Variants in LRIT3 observed in about 807,000 individuals in gnomAD.
LRIT3 encodes leucine rich repeat, Ig-like and transmembrane domains 3.
Under a neutral mutation model 22.6 loss-of-function variants are expected in LRIT3, and 14 were observed. The ratio of observed to expected loss-of-function variants is 0.62; its 90% CI spans 0.41 to 0.97. LRIT3 has a LOEUF of 0.97. LRIT3 is among the 50% of genes least tolerant of loss of function. The pLI is 0.00. For missense variants in LRIT3, 783 were observed against 803.0 expected (o/e 0.98, Z 0.30); for synonymous variants, 306 against 304.5 (o/e 1.01, Z -0.05).
intron 1 of LRIT3, 63 bp from the exon 2 acceptor site, chr4:109,851,441 G>A: frequency 6.8e-7 from 1 of 1,462,110 alleles, no homozygotes; most frequent in Non-Finnish European, 9.0e-7. Context: ...CAAATGAGAA[G>A]TATTTTTTTC....
At chr4:109,858,748 C>T (rs985899405) in intron 2 of LRIT3, among the ~76,000 whole-genome samples, 1 of 152,082 alleles carries the variant, frequency 6.6e-6, no homozygotes, top group Non-Finnish European at 1.5e-5. Context: ...TCCTTATCCC[C>T]CTCTTTTTGT....
rs368638041 is a variant in LRIT3 at position 109,869,904 on chromosome 4, T to C, written c.1155T>C (p.Tyr385=). The C allele has an allele frequency of 6.8e-6, 11 of 1,614,120 alleles. No homozygotes were observed. The African/African-American group carries it at 9.3e-5, about 14-fold the overall frequency. ...RSTSVSSASS[Y]LWSSSFSPTS... ...CATCTGTATCTAGCGCATCATCATA[T>C]CTTTGGTCCTCTTCCTTCTCCCCCA... Residue 385 remains tyrosine (Y), a synonymous_variant, in exon 4 of 4, where the codon TAT becomes TAC. Coordinates refer to ENST00000594814, the MANE Select transcript of LRIT3 (RefSeq NM_198506.5).
At chr4:109,859,808 A>G (rs4698752) in intron 2 of LRIT3, among the ~76,000 whole-genome samples, 126,382 of 152,208 alleles carry the variant, frequency 0.83, 52,715 homozygotes, top group African/African-American at 0.92. Context: ...CACATCACGC[A>G]TGTTGGCTCA....
Position 109,872,181 on chromosome 4 carries a change from T to C in LRIT3, c.*1392T>C, listed in dbSNP as rs1283544283. On this transcript the variant is annotated 3_prime_UTR_variant, in exon 4 of 4. Transcript: ENST00000594814. ...GAAATGGGAAAGATCTCCCAAACTC[T>C]GAGAACGGTCCTCAAATAGAAGCTC... 1 of 149,972 alleles carries C rather than the reference T, an allele frequency of 6.7e-6. No homozygotes were observed. Among genetic ancestry groups the C allele is most frequent in the Non-Finnish European group, 1.5e-5 (1 of 68,012 alleles). 9.3% of individuals were successfully genotyped at this position (149,972 alleles called of 1,614,324 possible).
At chr4:109,851,015 G>A (rs370224985) in intron 1 of LRIT3, among the ~76,000 whole-genome samples, 2 of 152,018 alleles carry the variant, frequency 1.3e-5, no homozygotes, top group South Asian at 2.1e-4. Context: ...TTAACAGGGG[G>A]TTCTTTTAAA....
In LRIT3 at chr4:109,869,746, C is replaced by A. The variant is rs1734775957; in HGVS notation, c.997C>A (p.Leu333Met). ...GGATTACAAATGTAAGGCCAAAAATCTGGCTGGGATGTCAGAAGCTGTGGT... is the reference window on the plus strand; with the variant it reads ...GGATTACAAATGTAAGGCCAAAAATATGGCTGGGATGTCAGAAGCTGTGGT... ...AGDYKCKAKN[L>M]AGMSEAVVTV... Residue 333 changes from leucine (L) to methionine (M), a missense_variant, in exon 4 of 4, where the codon CTG (leucine) becomes ATG (methionine). This residue lies in a region of LRIT3 where 756 missense variants were observed against 753.8 expected (regional missense o/e 1.00). Coordinates refer to ENST00000594814, the MANE Select transcript of LRIT3 (RefSeq NM_198506.5). 1 of 1,613,384 alleles carries A rather than the reference C, an allele frequency of 6.2e-7. No homozygotes were observed. Among genetic ancestry groups the A allele is most frequent in the African/African-American group, 1.3e-5 (1 of 74,914 alleles).
At chr4:109,856,728 C>T (rs1734410611) in intron 2 of LRIT3, among the ~76,000 whole-genome samples, 1 of 152,114 alleles carries the variant, frequency 6.6e-6, no homozygotes, top group South Asian at 2.1e-4. Context: ...TTCTATCTCC[C>T]ATCCATATAA....
At chr4:109,857,164 A>G (rs1429410995) in intron 2 of LRIT3, among the ~76,000 whole-genome samples, 1 of 152,126 alleles carries the variant, frequency 6.6e-6, no homozygotes, top group Non-Finnish European at 1.5e-5. Flanking sequence ...CATCTTTCCT[A>G]CTAATAACAT....
intron 1 of LRIT3, among the ~76,000 whole-genome samples, chr4:109,850,418 C>CTTTCT (rs1491056843): frequency 3.5e-4 from 10 of 28,226 alleles, no homozygotes; most frequent in South Asian, 1.5e-3. Flanking sequence ...TTCCTTCCTT[C>CTTTCT]CTTCCTTTCT....
rs1734718644 is a variant in LRIT3 at position 109,867,748 on chromosome 4, A to C, written c.697A>C (p.Ser233Arg). The change falls in exon 3 of 4, where the codon AGT becomes CGT. Residue 233 changes from serine to arginine, a missense_variant. Ser to Arg is a moderately radical substitution (Grantham distance 110). Transcript: ENST00000594814. Reference protein sequence around the residue: ...IVLLDPLMTCSEPERLTGILF... With the variant: ...IVLLDPLMTCREPERLTGILF... ...GCTTCTGGATCCACTGATGACTTGCAGTGAACCTGAGCGCCTCACAGGAAT... is the reference window on the plus strand; with the variant it reads ...GCTTCTGGATCCACTGATGACTTGCCGTGAACCTGAGCGCCTCACAGGAAT... The C allele has an allele frequency of 6.2e-7, 1 of 1,614,192 alleles. No homozygotes were observed. The highest frequency in any genetic ancestry group is 8.5e-7 in the Non-Finnish European group (1 of 1,180,014).
intron 1 of LRIT3, 126 bp from the exon 2 acceptor site, chr4:109,851,378 G>A (rs1734250964): frequency 1.5e-6 from 2 of 1,322,000 alleles, no homozygotes; most frequent in Non-Finnish European, 2.0e-6. Flanking sequence ...GCCTCCCAAA[G>A]TGCTGGGATT....
At chr4:109,861,168 A>G (rs1232214859) in intron 2 of LRIT3, among the ~76,000 whole-genome samples, 27 of 152,248 alleles carry the variant, frequency 1.8e-4, no homozygotes, top group Admixed American at 1.6e-3. Context: ...CAGGAGTTTG[A>G]GACCAGCCTG....
At chr4:109,866,061 A>C (rs1734670960) in intron 2 of LRIT3, among the ~76,000 whole-genome samples, 1 of 152,230 alleles carries the variant, frequency 6.6e-6, no homozygotes, top group African/African-American at 2.4e-5. Context: ...CTTCTAAAAC[A>C]GGAGATGAAA....
chr4:109,853,035 A>G (rs1020151114), intron 2 of LRIT3, among the ~76,000 whole-genome samples: 8 of 152,218 alleles, frequency 5.3e-5, no homozygotes, highest in East Asian at 1.9e-4. Flanking sequence ...TAGTGCTGCA[A>G]TAAACATACA....
In LRIT3 at chr4:109,870,578, A is replaced by G; in HGVS notation, c.1829A>G (p.Gln610Arg). 1 of 1,613,930 alleles carries G rather than the reference A, an allele frequency of 6.2e-7. No homozygotes were observed. Among genetic ancestry groups the G allele is most frequent in the Non-Finnish European group, 8.5e-7 (1 of 1,179,828 alleles). The change falls in exon 4 of 4, where the codon CAA (glutamine) becomes CGA (arginine). Residue 610 changes from glutamine (Q) to arginine (R), a missense_variant. By Grantham distance (43) the Gln-to-Arg change is conservative. Around this residue, in one of 2 missense-constraint regions of LRIT3, gnomAD observed 756 missense variants for 753.8 expected, o/e 1.00. Coordinates refer to ENST00000594814, the MANE Select transcript of LRIT3 (RefSeq NM_198506.5). Reference protein sequence around the residue: ...CFLLYKVCKLQCKSEPFWEDD... With the variant: ...CFLLYKVCKLRCKSEPFWEDD... ...TTGTTGTACAAAGTTTGCAAACTGC[A>G]ATGTAAATCAGAACCTTTTTGGGAA...
At position 109,867,634 on chromosome 4, in the gene LRIT3, G is replaced by A. The variant is rs747147767; in HGVS notation, c.590-7G>A. On this transcript the variant is annotated splice_region_variant and splice_polypyrimidine_tract_variant and intron_variant, in intron 2 of 3. Coordinates refer to ENST00000594814, the MANE Select transcript of LRIT3 (RefSeq NM_198506.5). Reference sequence around the variant, plus strand: ...TCTTTGTCAACCTTTCCCACCTTCTGTTTTAGGTCTACAGGACAATCCTTG... The same window carrying A: ...TCTTTGTCAACCTTTCCCACCTTCTATTTTAGGTCTACAGGACAATCCTTG... The A allele has an allele frequency of 2.5e-6, 4 of 1,610,236 alleles. No individual in the cohort carries two copies. The highest frequency in any genetic ancestry group is 2.5e-6 in the Non-Finnish European group (3 of 1,177,020).
At chr4:109,856,310 C>G (rs529237075) in intron 2 of LRIT3, among the ~76,000 whole-genome samples, 1 of 152,258 alleles carries the variant, frequency 6.6e-6, no homozygotes, top group East Asian at 1.9e-4. Flanking sequence ...TTTAAATGAA[C>G]CATAGCAATC....
At chr4:109,859,805 C>T (rs548460996) in intron 2 of LRIT3, among the ~76,000 whole-genome samples, 93 of 152,314 alleles carry the variant, frequency 6.1e-4, no homozygotes, top group African/African-American at 2.0e-3. Flanking sequence ...AAGCACATCA[C>T]GCATGTTGGC....
intron 2 of LRIT3, 62 bp from the exon 3 acceptor site, chr4:109,867,579 G>C: frequency 1.6e-6 from 2 of 1,236,918 alleles, no homozygotes; most frequent in Non-Finnish European, 2.1e-6. Context: ...TTCTCAAGAG[G>C]CAGGATGTAA....
Sources: allele counts gnomAD v4.1 joint callset (sites outside exome capture counted in the v4.1 genomes callset), GRCh38; gene constraint gnomAD v4.1.1; regional missense constraint gnomAD v4.1.1; transcripts MANE v1.5; gene names NCBI Gene and HGNC (gene_info 2026-07-23, HGNC 2026-07-21).